The following TNFAIP8 variants were observed in gnomAD, a reference collection of about 807,000 sequenced individuals.
TNFAIP8 encodes the protein tumor necrosis factor alpha-induced protein 8.
TNFAIP8 carries 7 observed loss-of-function variants against 13.3 expected under a neutral mutation model. The ratio of observed to expected loss-of-function variants is 0.52; its 90% CI spans 0.30 to 0.99. TNFAIP8 has a LOEUF of 0.99. Among genes scored for constraint, TNFAIP8 ranks in the 50% least tolerant of loss-of-function variants. The pLI, the probability that TNFAIP8 is intolerant of heterozygous loss-of-function variation, is 0.07. For synonymous variants in TNFAIP8, 94 were observed against 87.6 expected, an observed-to-expected ratio of 1.07 and a Z score of -0.41; for missense variants, 258 against 236.9, an observed-to-expected ratio of 1.09 and a Z score of -0.58.
At chr5:119,347,155 C>T (rs928295731) in intron 1 of TNFAIP8, among the ~76,000 whole-genome samples, 4 of 152,282 alleles carry the variant, frequency 2.6e-5, no homozygotes, top group Admixed American at 6.5e-5. Context: ...TTGCCTTAAA[C>T]ACAACATTCA....
At chr5:119,288,566 T>C (rs1471567406) in intron 1 of TNFAIP8, among the ~76,000 whole-genome samples, 1 of 152,214 alleles carries the variant, frequency 6.6e-6, no homozygotes, top group African/African-American at 2.4e-5. Flanking sequence ...CAATGGCTCT[T>C]TATTTAGAAA....
intron 1 of TNFAIP8, among the ~76,000 whole-genome samples, chr5:119,269,925 G>T (rs747300007): frequency 1.3e-5 from 2 of 152,206 alleles, no homozygotes; most frequent in Non-Finnish European, 2.9e-5. Flanking sequence ...TAAAATGATT[G>T]CCTGGTTGCT....
intron 1 of TNFAIP8, among the ~76,000 whole-genome samples, chr5:119,303,885 A>G (rs570426798): frequency 6.6e-6 from 1 of 152,298 alleles, no homozygotes; most frequent in African/African-American, 2.4e-5. Context: ...AAAGGGGTGA[A>G]ATATTTTACC....
intron 1 of TNFAIP8, among the ~76,000 whole-genome samples, chr5:119,378,322 T>A (rs1472089763): frequency 6.6e-6 from 1 of 152,182 alleles, no homozygotes; most frequent in East Asian, 1.9e-4. Flanking sequence ...TCTGGGTTTT[T>A]TTTTCCTAGA....
intron 1 of TNFAIP8, among the ~76,000 whole-genome samples, chr5:119,387,137 T>C (rs1308564303): frequency 2.0e-5 from 3 of 152,230 alleles, no homozygotes; most frequent in African/African-American, 7.2e-5. Flanking sequence ...TCTGGAGCAC[T>C]GCCAAATCTC....
chr5:119,342,969 T>A (rs1352585467), intron 1 of TNFAIP8, among the ~76,000 whole-genome samples: 1 of 152,234 alleles, frequency 6.6e-6, no homozygotes, highest in Non-Finnish European at 1.5e-5. Flanking sequence ...CGGATGTTAG[T>A]TCTTAACTTA....
chr5:119,342,698 C>G (rs1581621837), intron 1 of TNFAIP8, among the ~76,000 whole-genome samples: 1 of 152,316 alleles, frequency 6.6e-6, no homozygotes, highest in East Asian at 1.9e-4. Flanking sequence ...CAAAGAATCT[C>G]CATTGGTCAC....
intron 1 of TNFAIP8, among the ~76,000 whole-genome samples, chr5:119,320,698 A>C (rs1750027986): frequency 6.6e-6 from 1 of 150,692 alleles, no homozygotes; most frequent in African/African-American, 2.4e-5. Flanking sequence ...TGACCTTGTA[A>C]CCACCCCCAC....
At chr5:119,275,745 A>G (rs1002026753) in intron 1 of TNFAIP8, among the ~76,000 whole-genome samples, 6 of 152,174 alleles carry the variant, frequency 3.9e-5, no homozygotes, top group African/African-American at 1.4e-4. Context: ...TCATTCTAAT[A>G]GGGGCCATGG....
At chr5:119,312,772 A>G (rs113817232) in intron 1 of TNFAIP8, among the ~76,000 whole-genome samples, 4,532 of 150,334 alleles carry the variant, frequency 0.03, 243 homozygotes, top group African/African-American at 0.11. Flanking sequence ...AAAAAAGAAT[A>G]TGAAGATCTA....
chr5:119,347,872 T>C (rs12332637), intron 1 of TNFAIP8, among the ~76,000 whole-genome samples: 5,154 of 152,280 alleles, frequency 0.034, 274 homozygotes, highest in African/African-American at 0.12. Context: ...CAATTGTTAA[T>C]AGATTCTACC....
intron 1 of TNFAIP8, among the ~76,000 whole-genome samples, chr5:119,308,181 C>T (rs1749622075): frequency 6.6e-6 from 1 of 152,144 alleles, no homozygotes; most frequent in Non-Finnish European, 1.5e-5. Flanking sequence ...GGAAGGCACA[C>T]TAGTTGTGAA....
At chr5:119,353,565 A>C (rs1751257376), upstream of TNFAIP8, among the ~76,000 whole-genome samples, 1 of 152,266 alleles carries the variant, frequency 6.6e-6, no homozygotes, top group African/African-American at 2.4e-5. Flanking sequence ...GCATTTAAAT[A>C]CAAAAGAAGT....
intron 1 of TNFAIP8, among the ~76,000 whole-genome samples, chr5:119,358,224 A>G (rs931784467): frequency 1.1e-4 from 17 of 151,974 alleles, no homozygotes. Context: ...GATACGCTGT[A>G]AGAGGAGATA....
rs922896220 is a variant in TNFAIP8 at position 119,394,207 on chromosome 5, TAAA to T, written c.*829_*831del. ...TAGATTGGTCTTGATATTGAGATAA[TAAA>T]AAGTAAGTAGCATTAAGAAAGGTAA... On this transcript the variant is annotated 3_prime_UTR_variant, in exon 2 of 2. Coordinates refer to ENST00000504771, the MANE Select transcript of TNFAIP8 (RefSeq NM_014350.4). 67 of 152,164 alleles carry T rather than the reference TAAA, an allele frequency of 4.4e-4. No homozygotes were observed. The highest frequency in any genetic ancestry group is 1.5e-3 in the African/African-American group (63 of 41,484). The allele number at this position is 152,164 out of a possible 1,614,324, so 9.4% of individuals were successfully genotyped here. A position where few individuals can be genotyped will look rare whatever the true frequency, so the allele number is the denominator to read the frequency against.
At chr5:119,295,623 G>T (rs1215330629) in intron 1 of TNFAIP8, among the ~76,000 whole-genome samples, 2 of 151,902 alleles carry the variant, frequency 1.3e-5, no homozygotes, top group African/African-American at 4.8e-5. Context: ...GCTCTTTTTT[G>T]GTTCCATATG....
chr5:119,365,404 C>T (rs1473207944), intron 1 of TNFAIP8, among the ~76,000 whole-genome samples: 1 of 152,216 alleles, frequency 6.6e-6, no homozygotes, highest in Non-Finnish European at 1.5e-5. Context: ...GCAGTTGTTA[C>T]ACCAGTGGAA....
chr5:119,353,719 T>TAAAG (rs753850779), upstream of TNFAIP8, among the ~76,000 whole-genome samples: 25,404 of 152,112 alleles, frequency 0.17, 2,632 homozygotes, highest in Non-Finnish European at 0.22. Context: ...AAAGGACATG[T>TAAAG]ATTTTAACAT....
At chr5:119,309,527 T>G (rs1257819078) in intron 1 of TNFAIP8, among the ~76,000 whole-genome samples, 1 of 152,132 alleles carries the variant, frequency 6.6e-6, no homozygotes, top group Non-Finnish European at 1.5e-5. Flanking sequence ...AACAGTTGTT[T>G]AAATAAGATG....
Sources: allele counts gnomAD v4.1 joint callset (sites outside exome capture counted in the v4.1 genomes callset), GRCh38; gene constraint gnomAD v4.1.1; transcripts MANE v1.5; gene names NCBI Gene and HGNC (gene_info 2026-07-23, HGNC 2026-07-21).